Variants in ARFRP1 observed in about 807,000 individuals in gnomAD.
ARFRP1 encodes the protein ADP-ribosylation factor-related protein 1.
A neutral mutation model predicts 30.3 loss-of-function variants in ARFRP1; 19 were observed. The observed-to-expected ratio is 0.63, with a 90% CI of 0.44 to 0.92. ARFRP1 has a LOEUF of 0.92. Ranked by LOEUF, ARFRP1 falls within the 40% of genes least tolerant of loss-of-function variation. ARFRP1 has a pLI of 0.00. For synonymous variants in ARFRP1, 133 were observed against 114.2 expected, an observed-to-expected ratio of 1.16 and a Z score of -1.05; for missense variants, 245 against 267.5, an observed-to-expected ratio of 0.92 and a Z score of 0.59.
intron 4 of ARFRP1, chr20:63,702,753 G>T (rs1252474556): frequency 6.4e-6 from 1 of 157,316 alleles, no homozygotes; most frequent in Admixed American, 6.2e-5. Flanking sequence ...ATAGGGTTTG[G>T]GGGCTGGAGG....
rs144398941 is a variant in ARFRP1, at chr20:63,705,829, G to A, written c.264+528C>T. 332 of 501,958 alleles carry A rather than the reference G, an allele frequency of 6.6e-4. 2 individuals are homozygous for A. Among genetic ancestry groups the A allele is most frequent in the African/African-American group, 6.1e-3 (310 of 51,080 alleles). The allele number at this position is 501,958 out of a possible 1,614,324, so 31.1% of individuals were successfully genotyped here. A position where few individuals can be genotyped will look rare whatever the true frequency, so the allele number is the denominator to read the frequency against. On this transcript the variant is annotated intron_variant, in intron 4 of 7. Coordinates refer to ENST00000622789, the MANE Select transcript of ARFRP1 (RefSeq NM_001267547.3). ...CAGACTGCCCTGACCTCTCTGACTT[G>A]GCCAGCGAGGTTGCCCTTAGGCTCA...
intron 5 of ARFRP1, 98 bp from the exon 6 acceptor site, chr20:63,701,998 G>GCACACCCCCCCCCCCCCCCCC: frequency 1.7e-6 from 1 of 583,916 alleles, no homozygotes. Context: ...CACTCCCTCT[G>GCACACCCCCCCCCCCCCCCCC]CCCCCCCCCC....
At chr20:63,700,802 A>G in intron 6 of ARFRP1, 100 bp from the exon 7 acceptor site, 1 of 1,464,894 alleles carries the variant, frequency 6.8e-7, no homozygotes. Context: ...CACCCCAGGG[A>G]AACAGCCAGA....
chr20:63,705,902 GGTT>G (rs2091432362), intron 4 of ARFRP1: 1 of 381,352 alleles, frequency 2.6e-6, no homozygotes, highest in Non-Finnish European at 5.3e-6. Context: ...AAGATGTTTA[GGTT>G]GTTAACATAA....
intron 6 of ARFRP1, chr20:63,700,915 C>T (rs565982203): frequency 2.2e-5 from 14 of 635,332 alleles, no homozygotes; most frequent in African/African-American, 5.5e-5. Flanking sequence ...ACAAACTAGA[C>T]GTCCACACGG....
rs765545157 is a variant in ARFRP1 at position 63,706,733 on chromosome 20, G to A, written c.99C>T (p.Phe33=). 1.2e-6 allele frequency: 2 copies of A among 1,612,910 alleles called. No individual in the cohort carries two copies. Among genetic ancestry groups the A allele is most frequent in the Non-Finnish European group, 1.7e-6 (2 of 1,178,918 alleles). Residue 33 remains phenylalanine (F), a synonymous_variant, in exon 3 of 8, where the codon TTC becomes TTT. Transcript: ENST00000622789. ...TAAATCGGGTTTTCGACTGCTCCAG[G>A]AAGGTCTGAGGAGAGAGGCAGAGGC... The part of the protein sequence containing the change: ...LGLDNAGKTT[F]LEQSKTRFNK...
At chr20:63,705,879 C>A (rs1238848511) in intron 4 of ARFRP1, 1 of 426,918 alleles carries the variant, frequency 2.3e-6, no homozygotes, top group Non-Finnish European at 4.8e-6. Flanking sequence ...TTTGAACATT[C>A]CCAGACACTT....
rs1427837856 is a variant in ARFRP1 at position 63,698,894 on chromosome 20, G to C, written c.*1549C>G. 3 of 232,078 alleles carry C rather than the reference G, an allele frequency of 1.3e-5. No individual in the cohort carries two copies. The highest frequency in any genetic ancestry group is 6.8e-5 in the African/African-American group (3 of 44,106). 14.4% of individuals were successfully genotyped at this position (232,078 alleles called of 1,614,324 possible). A position where few individuals can be genotyped will look rare whatever the true frequency, so the allele number is the denominator to read the frequency against. ...CAGGGGCCCCTGAAGCTCAGCGAGG[G>C]TCAGGGCCTGGGAGGGTATCATTGC... On this transcript the variant is annotated 3_prime_UTR_variant, in exon 8 of 8. Coordinates refer to ENST00000622789, the MANE Select transcript of ARFRP1 (RefSeq NM_001267547.3).
In ARFRP1 at chr20:63,706,781, T is replaced by C. The variant is rs773550780; in HGVS notation, c.94-43A>G. On this transcript the variant is annotated intron_variant, in intron 2 of 7. Coordinates refer to ENST00000622789, the MANE Select transcript of ARFRP1 (RefSeq NM_001267547.3). ...GGCGAAACACATCAAGGAGGGGCTA[T>C]ACTGGCTTCCAAATATCCTTACTCA... The C allele has an allele frequency of 8.7e-6, 13 of 1,490,022 alleles. No homozygotes were observed. In the Admixed American group the frequency reaches 1.0e-4, roughly 12 times the overall value. The allele number at this position is 1,490,022 out of a possible 1,614,324, so 92.3% of individuals were successfully genotyped here.
Position 63,700,389 on chromosome 20 carries a change from G to C in ARFRP1, c.*54C>G. The C allele has an allele frequency of 6.3e-7, 1 of 1,598,732 alleles. No homozygotes were observed. Among genetic ancestry groups the C allele is most frequent in the Non-Finnish European group, 8.5e-7 (1 of 1,178,170 alleles). On this transcript the variant is annotated 3_prime_UTR_variant, in exon 8 of 8. Transcript: ENST00000622789. Reference sequence around the variant, plus strand: ...ATCAGCAGCATGGGAGCCAACAGGAGGCCACTCCTCCAGCACCAGGGGACC... The same window carrying C: ...ATCAGCAGCATGGGAGCCAACAGGACGCCACTCCTCCAGCACCAGGGGACC...
intron 4 of ARFRP1, chr20:63,703,352 GGA>G (rs2091301508): frequency 6.6e-6 from 1 of 152,336 alleles, no homozygotes; most frequent in Non-Finnish European, 1.5e-5. Context: ...TTCCCACAGA[GGA>G]GAGAAGCCTG....
In ARFRP1 at chr20:63,700,459, T is replaced by C; in HGVS notation, c.590A>G (p.Gln197Arg). 6.2e-7 allele frequency: 1 copy of C among 1,609,372 alleles called. No individual in the cohort carries two copies. The highest frequency in any genetic ancestry group is 8.5e-7 in the Non-Finnish European group (1 of 1,179,820). ...CGGCTGCGCCTACGTGATGTCCCTC[T>C]GCCGCGGCGGCCGGTGCACATTCCG... ...VVRNVHRPPR[Q>R]RDIT Residue 197 changes from glutamine (Q) to arginine (R), a missense_variant, in exon 8 of 8, where the codon CAG becomes CGG. Gln to Arg is a conservative substitution (Grantham distance 43, BLOSUM62 1). Transcript: ENST00000622789.
chr20:63,702,082 G>T, intron 5 of ARFRP1, 54 bp downstream of exon 5: 1 of 1,566,732 alleles, frequency 6.4e-7, no homozygotes, highest in Non-Finnish European at 8.7e-7. Flanking sequence ...TGCCCAAGCT[G>T]GACCTGCCCC....
Position 63,700,372 on chromosome 20 carries a change from C to A in ARFRP1, c.*71G>T, listed in dbSNP as rs1322384170. 4 of 1,590,778 alleles carry A rather than the reference C, an allele frequency of 2.5e-6. No individual in the cohort carries two copies. Among genetic ancestry groups the A allele is most frequent in the Non-Finnish European group, 2.6e-6 (3 of 1,173,182 alleles). Reference sequence around the variant, plus strand: ...GCAAACCCACCCCCCAGATCAGCAGCATGGGAGCCAACAGGAGGCCACTCC... The same window carrying A: ...GCAAACCCACCCCCCAGATCAGCAGAATGGGAGCCAACAGGAGGCCACTCC... On this transcript the variant is annotated 3_prime_UTR_variant, in exon 8 of 8. Transcript: ENST00000622789.
chr20:63,701,565 C>T lies in ARFRP1; in HGVS notation c.417+265G>A, dbSNP rs2091206539. 1.5e-5 allele frequency: 9 copies of T among 586,174 alleles called. No individual in the cohort carries two copies. In the South Asian group the frequency reaches 1.8e-4, roughly 12 times the overall value. The allele number at this position is 586,174 out of a possible 1,614,324, so 36.3% of individuals were successfully genotyped here. The stretch of plus-strand genomic sequence containing the variant: ...CCACACACTCCTGAGACACGGCCGC[C>T]CTCCTGGGGAGAGGTGCCCTGCATA... On this transcript the variant is annotated intron_variant, in intron 6 of 7. Coordinates refer to ENST00000622789, the MANE Select transcript of ARFRP1 (RefSeq NM_001267547.3).
At chr20:63,706,965 T>C in intron 2 of ARFRP1, 34 bp downstream of exon 2, 1 of 1,610,924 alleles carries the variant, frequency 6.2e-7, no homozygotes, top group East Asian at 2.2e-5. Context: ...CGCCAGGCCG[T>C]GGGAAAGGTG....
intron 4 of ARFRP1, chr20:63,702,808 G>C (rs937364241): frequency 6.4e-6 from 1 of 155,572 alleles, no homozygotes; most frequent in African/African-American, 2.4e-5. Flanking sequence ...CACCTGTGGG[G>C]CTCTGTGCCA....
rs2091482511 is a variant in ARFRP1, at chr20:63,706,685, A to C, written c.147T>G (p.Ser49Arg). 6.2e-7 allele frequency: 1 copy of C among 1,613,690 alleles called. No homozygotes were observed. The highest frequency in any genetic ancestry group is 1.3e-5 in the African/African-American group (1 of 74,846). ...TRFNKNYKGMSLSKITTTVGL... is the reference protein window; with the variant it reads ...TRFNKNYKGMRLSKITTTVGL... ...CCACGGTGGTGGTGATTTTGGATAG[A>C]CTCATCCCCTTGTAGTTCTTGTTAA... The change falls in exon 3 of 8, where the codon AGT (serine) becomes AGG (arginine). Residue 49 changes from serine (S) to arginine (R), a missense_variant. Physicochemically the swap from Ser to Arg is moderately radical, Grantham distance 110. Transcript: ENST00000622789.
In ARFRP1 at chr20:63,702,232, C is replaced by T. The variant is rs1303109022; in HGVS notation, c.265-15G>A. On this transcript the variant is annotated splice_polypyrimidine_tract_variant and intron_variant, in intron 4 of 7. Transcript: ENST00000622789. ...TCCGCATAATACTGGGAGGAAGCAC[C>T]AGGAGTTGGGGCTCAGTCCCCACCC... 2 of 1,609,528 alleles carry T rather than the reference C, an allele frequency of 1.2e-6. No individual in the cohort carries two copies. Among genetic ancestry groups the T allele is most frequent in the African/African-American group, 1.3e-5 (1 of 74,876 alleles).
Sources: allele counts gnomAD v4.1 joint callset, GRCh38; gene constraint gnomAD v4.1.1; transcripts MANE v1.5; gene names NCBI Gene and HGNC (gene_info 2026-07-23, HGNC 2026-07-21).